STIM1: variants seen among roughly 807,000 people sequenced by gnomAD.
The protein encoded by STIM1 is stromal interaction molecule 1.
STIM1 carries 25 observed loss-of-function variants against 74.7 expected under a neutral mutation model. The observed-to-expected ratio is 0.33, with a 90% confidence interval of 0.24 to 0.47. The LOEUF (loss-of-function observed/expected upper bound fraction) is 0.47. STIM1 is among the 20% of genes least tolerant of loss of function. STIM1 has a pLI of 1.00. For missense variants in STIM1, 728 were observed against 920.8 expected (o/e 0.79, Z 2.71); for synonymous variants, 328 against 348.8 (o/e 0.94, Z 0.66).
intron 2 of STIM1, among the ~76,000 whole-genome samples, chr11:3,994,898 T>G (rs2093649917): frequency 6.6e-6 from 1 of 152,208 alleles, no homozygotes; most frequent in African/African-American, 2.4e-5. Flanking sequence ...TTGCTAATTC[T>G]TCCTGCTGCC....
intron 3 of STIM1, among the ~76,000 whole-genome samples, chr11:4,037,033 C>A (rs1318705863): frequency 6.6e-6 from 1 of 151,706 alleles, no homozygotes; most frequent in East Asian, 1.9e-4. Context: ...CTTGTTCTAT[C>A]TTTTTCCTTT....
chr11:3,906,160 C>T (rs377150202), intron 1 of STIM1, among the ~76,000 whole-genome samples: 4 of 152,208 alleles, frequency 2.6e-5, no homozygotes, highest in South Asian at 4.1e-4. Context: ...ACAAACTACT[C>T]GTGAGGAATT....
At chr11:3,895,664 TTCTTTCTTTCCTTCCTTCCTTC>T (rs1467587390) in intron 1 of STIM1, among the ~76,000 whole-genome samples, 1 of 32,326 alleles carries the variant, frequency 3.1e-5, no homozygotes, top group African/African-American at 1.7e-4. Flanking sequence ...CTTTCTTTCT[TTCTTTCTTTCCTTCCTTCCTTC>T]TTTCTTTCTT....
chr11:3,863,592 A>G (rs1283174851), intron 1 of STIM1, among the ~76,000 whole-genome samples: 2 of 152,160 alleles, frequency 1.3e-5, no homozygotes, highest in East Asian at 3.9e-4. Flanking sequence ...AATTCCAGAA[A>G]TAATTCATAA....
intron 1 of STIM1, among the ~76,000 whole-genome samples, chr11:3,910,531 C>G (rs1295089397): frequency 6.6e-6 from 1 of 151,984 alleles, no homozygotes; most frequent in Admixed American, 6.5e-5. Context: ...AGTTCAAGAC[C>G]AGCCTAGGCA....
chr11:3,921,134 A>G (rs1289133594), intron 1 of STIM1, among the ~76,000 whole-genome samples: 1 of 152,024 alleles, frequency 6.6e-6, no homozygotes, highest in East Asian at 1.9e-4. Context: ...GGTGGTCTCT[A>G]TCCTATCTAT....
intron 7 of STIM1, 69 bp downstream of exon 7, chr11:4,074,748 A>G: frequency 6.7e-7 from 1 of 1,494,972 alleles, no homozygotes; most frequent in Non-Finnish European, 9.1e-7. Context: ...GGGTCTGGCT[A>G]GAAAGTTACA....
Position 4,070,170 on chromosome 11 carries a change from G to T in STIM1, c.758G>T (p.Arg253Leu). The T allele has an allele frequency of 6.2e-7, 1 of 1,614,106 alleles. No homozygotes were observed. Among genetic ancestry groups the T allele is most frequent in the Non-Finnish European group, 8.5e-7 (1 of 1,180,032 alleles). The change falls in exon 6 of 13, where the codon CGA (arginine) becomes CTA (leucine). Residue 253 changes from arginine to leucine, a missense_variant. By Grantham distance (102) the Arg-to-Leu change is moderately radical. Coordinates refer to ENST00000526596, the MANE Select transcript of STIM1 (RefSeq NM_001382567.1). ...KMMKDLEGLHRAEQSLHDLQE... is the reference protein window; with the variant it reads ...KMMKDLEGLHLAEQSLHDLQE... ...ATGAAGGACTTGGAGGGGTTACACC[G>T]AGCTGAGCAGAGTCTGCATGACCTT...
intron 3 of STIM1, among the ~76,000 whole-genome samples, chr11:4,031,910 T>A (rs2094053737): frequency 6.6e-6 from 1 of 152,246 alleles, no homozygotes; most frequent in Non-Finnish European, 1.5e-5. Flanking sequence ...TTTTAACAGA[T>A]CATGCTTTTG....
At position 3,903,896 on chromosome 11, in the gene STIM1, C is replaced by T. The variant is rs549912746; in HGVS notation, c.139+47487C>T. ...TGTCACAAGTGCTACAATAGAGGTACATAGAAAATGTCCTGGGAAAGGCTG... is the reference window on the plus strand; with the variant it reads ...TGTCACAAGTGCTACAATAGAGGTATATAGAAAATGTCCTGGGAAAGGCTG... On this transcript the variant is annotated intron_variant, in intron 1 of 12. Coordinates refer to ENST00000526596, the MANE Select transcript of STIM1 (RefSeq NM_001382567.1). Among the ~76,000 whole-genome samples the T allele has an allele frequency of 3.5e-4, 54 of 152,202 alleles. 2 individuals are homozygous for T. The South Asian group carries it at 0.011, about 30-fold the overall frequency.
intron 1 of STIM1, among the ~76,000 whole-genome samples, chr11:3,862,902 A>T (rs1253636892): frequency 1.3e-5 from 2 of 151,740 alleles, no homozygotes; most frequent in South Asian, 2.1e-4. Flanking sequence ...ACACACACAT[A>T]TTTTTTTGAG....
intron 1 of STIM1, among the ~76,000 whole-genome samples, chr11:3,932,146 C>T (rs964662245): frequency 1.3e-5 from 2 of 152,184 alleles, no homozygotes; most frequent in Non-Finnish European, 2.9e-5. Context: ...TAAGGCAGTT[C>T]TCTTGTCCAG....
At chr11:3,941,253 C>T (rs1458100924) in intron 1 of STIM1, among the ~76,000 whole-genome samples, 2 of 152,112 alleles carry the variant, frequency 1.3e-5, no homozygotes, top group Non-Finnish European at 1.5e-5. Flanking sequence ...TTGATATCTA[C>T]AGTTCGAAGA....
chr11:4,059,036 C>A, intron 4 of STIM1: 1 of 942,378 alleles, frequency 1.1e-6, no homozygotes. Context: ...ACAGGTAATC[C>A]TTAGAGGATA....
At chr11:4,005,132 G>A (rs945980819) in intron 2 of STIM1, among the ~76,000 whole-genome samples, 1 of 152,224 alleles carries the variant, frequency 6.6e-6, no homozygotes, top group African/African-American at 2.4e-5. Flanking sequence ...TACACTGTTG[G>A]TGGGACTGTA....
chr11:3,941,298 G>A lies in STIM1; in HGVS notation c.140-26254G>A, dbSNP rs72847192. Among the ~76,000 whole-genome samples, 784 of 152,274 alleles carry A rather than the reference G, an allele frequency of 5.1e-3. 6 individuals are homozygous for A. The highest frequency in any genetic ancestry group is 7.5e-3 in the Non-Finnish European group (513 of 68,018). The stretch of plus-strand genomic sequence containing the variant: ...TAGGTAATGAAGATCCATGAAAGTG[G>A]TAAGCAAGGTGAGGCCTGCATAAAG... On this transcript the variant is annotated intron_variant, in intron 1 of 12. Coordinates refer to ENST00000526596, the MANE Select transcript of STIM1 (RefSeq NM_001382567.1).
At chr11:3,930,990 T>A (rs1014372545) in intron 1 of STIM1, among the ~76,000 whole-genome samples, 1 of 152,200 alleles carries the variant, frequency 6.6e-6, no homozygotes, top group African/African-American at 2.4e-5. Context: ...AAGATAGATA[T>A]GGTTCCTGCT....
intron 1 of STIM1, among the ~76,000 whole-genome samples, chr11:3,895,270 C>G (rs1344935723): frequency 6.6e-6 from 1 of 152,184 alleles, no homozygotes; most frequent in Non-Finnish European, 1.5e-5. Context: ...GTCTCAGCTT[C>G]TTGGTGGGAC....
chr11:4,050,265 C>A (rs1026139116), intron 3 of STIM1, among the ~76,000 whole-genome samples: 9 of 152,180 alleles, frequency 5.9e-5, no homozygotes, highest in African/African-American at 1.9e-4. Context: ...TTACCTGAAG[C>A]ATATTAGCTG....
Sources: gnomAD v4.1 joint callset for allele counts (sites outside exome capture counted in the v4.1 genomes callset) on GRCh38, gnomAD v4.1.1 for gene constraint, MANE v1.5 for transcripts, NCBI Gene and HGNC (gene_info 2026-07-23, HGNC 2026-07-21) for gene names.